WASL: variants seen among roughly 807,000 people sequenced by gnomAD.
The protein encoded by WASL is actin nucleation-promoting factor WASL.
Under a neutral mutation model 55.5 loss-of-function variants are expected in WASL, and 20 were observed. The observed-to-expected ratio is 0.36, with a 90% CI of 0.25 to 0.52. The LOEUF is 0.52. Ranked by LOEUF, WASL falls within the 20% of genes least tolerant of loss-of-function variation. The pLI is 0.92. For synonymous variants in WASL, 249 were observed against 217.6 expected (o/e 1.14, Z -1.27); for missense variants, 504 against 622.5 (o/e 0.81, Z 2.03).
chr7:123,708,043 A>C (rs1194166909), intron 2 of WASL, among the ~76,000 whole-genome samples: 2 of 152,056 alleles, frequency 1.3e-5, no homozygotes, highest in East Asian at 3.9e-4. Flanking sequence ...AAAATTAGCC[A>C]GGTGTGGTGG....
chr7:123,715,898 G>T (rs773718159), intron 1 of WASL, among the ~76,000 whole-genome samples: 2 of 152,164 alleles, frequency 1.3e-5, no homozygotes, highest in Non-Finnish European at 2.9e-5. Flanking sequence ...TCTACTACCA[G>T]AAGGATAATC....
chr7:123,746,539 A>G (rs2116832001), intron 1 of WASL, among the ~76,000 whole-genome samples: 1 of 152,284 alleles, frequency 6.6e-6, no homozygotes, highest in South Asian at 2.1e-4. Context: ...CTCTTACTTC[A>G]CTCTCTATTA....
intron 1 of WASL, among the ~76,000 whole-genome samples, chr7:123,720,030 A>AG (rs990337203): frequency 6.6e-6 from 1 of 152,098 alleles, no homozygotes; most frequent in African/African-American, 2.4e-5. Context: ...CCTTGAAGAT[A>AG]GGGCCCTGTC....
Position 123,706,770 on chromosome 7 carries a change from A to C in WASL, c.309T>G (p.Pro103=). 1 of 1,582,026 alleles carries C rather than the reference A, an allele frequency of 6.3e-7. No homozygotes were observed. Among genetic ancestry groups the C allele is most frequent in the Non-Finnish European group, 8.5e-7 (1 of 1,169,754 alleles). Residue 103 remains proline, a synonymous_variant, in exon 3 of 11, where the codon CCT becomes CCG. Coordinates refer to ENST00000223023, the MANE Select transcript of WASL (RefSeq NM_003941.4). ...ELYNNFVYNS[P]RGYFHTFAGD... ...CAGCAAAGGTATGAAAATATCCTCT[A>C]GGACTATTATATACAAAGTTATTGT...
intron 1 of WASL, among the ~76,000 whole-genome samples, chr7:123,712,588 T>C (rs1803776193): frequency 6.6e-6 from 1 of 152,184 alleles, no homozygotes; most frequent in South Asian, 2.1e-4. Context: ...ATATAGAAGT[T>C]CTTTGTACTG....
chr7:123,710,509 A>G (rs1167191974), intron 1 of WASL, among the ~76,000 whole-genome samples: 2 of 152,100 alleles, frequency 1.3e-5, no homozygotes, highest in African/African-American at 4.8e-5. Context: ...TCAAAGAACA[A>G]TTATATGCAC....
chr7:123,700,533 G>T (rs192755650), intron 5 of WASL, among the ~76,000 whole-genome samples: 1,523 of 151,774 alleles, frequency 0.01, 11 homozygotes, highest in Admixed American at 0.015. Context: ...CTTCACCTCC[G>T]GGTTCAAGTG....
In WASL at chr7:123,692,600, A is replaced by G. The variant is rs1313763447; in HGVS notation, c.1094T>C (p.Val365Ala). 1 of 1,607,716 alleles carries G rather than the reference A, an allele frequency of 6.2e-7. No homozygotes were observed. The highest frequency in any genetic ancestry group is 1.3e-5 in the African/African-American group (1 of 74,446). Residue 365 changes from valine to alanine, a missense_variant, in exon 9 of 11, where the codon GTG (valine) becomes GCG (alanine). Coordinates refer to ENST00000223023, the MANE Select transcript of WASL (RefSeq NM_003941.4). ...TGGTGCCACTGGCCCTACCCCCAAC[A>G]CAGATGGAGGTGGTGGTGGAGGCCC... ...PSGPPPPPPS[V>A]LGVGPVAPPP...
At chr7:123,701,783 T>C (rs1248403342) in intron 5 of WASL, among the ~76,000 whole-genome samples, 2 of 152,150 alleles carry the variant, frequency 1.3e-5, no homozygotes, top group African/African-American at 2.4e-5. Context: ...GAAAGCAAGA[T>C]AGTTGAATGC....
chr7:123,747,835 C>T (rs185570126), intron 1 of WASL, among the ~76,000 whole-genome samples: 2 of 152,280 alleles, frequency 1.3e-5, no homozygotes, highest in African/African-American at 2.4e-5. Context: ...GAACTGCTCG[C>T]TCCCAACCGG....
Position 123,692,537 on chromosome 7 carries a change from G to C in WASL, c.1157C>G (p.Pro386Arg), listed in dbSNP as rs773128743. The C allele has an allele frequency of 6.8e-6, 11 of 1,613,964 alleles. No individual in the cohort carries two copies. In the East Asian group the frequency reaches 2.0e-4, roughly 29 times the overall value. ...PPPPPPPPGP[P>R]PPPGLPSDGD... The stretch of plus-strand genomic sequence containing the variant: ...ATCAGAAGGCAGGCCAGGCGGGGGC[G>C]GTGGCCCAGGAGGAGGTGGAGGTGG... The change falls in exon 9 of 11, where the codon CCG (proline) becomes CGG (arginine). Residue 386 changes from proline to arginine, a missense_variant. This residue lies in a region of WASL where 201 missense variants were observed against 206.2 expected (regional missense o/e 0.97). Coordinates refer to ENST00000223023, the MANE Select transcript of WASL (RefSeq NM_003941.4).
At chr7:123,694,936 A>T (rs1363005911) in intron 7 of WASL, 68 bp from the exon 8 acceptor site, 2 of 1,489,214 alleles carry the variant, frequency 1.3e-6, no homozygotes, top group Admixed American at 4.6e-5. Flanking sequence ...TTTAAGTCTC[A>T]TCTGTGTCCT....
intron 1 of WASL, among the ~76,000 whole-genome samples, chr7:123,722,816 A>C (rs1584868589): frequency 1.3e-5 from 2 of 152,288 alleles, no homozygotes. Context: ...AAATAACAAC[A>C]AAAATAATAA....
At chr7:123,712,877 A>T (rs998598164) in intron 1 of WASL, among the ~76,000 whole-genome samples, 5 of 152,178 alleles carry the variant, frequency 3.3e-5, no homozygotes, top group African/African-American at 1.2e-4. Flanking sequence ...TACTGTTTAA[A>T]TTCCTTTCAC....
Position 123,682,147 on chromosome 7 carries a change from A to AT in WASL, c.*2371dup, listed in dbSNP as rs1409275292. 2 of 152,186 alleles carry AT rather than the reference A, an allele frequency of 1.3e-5. No individual in the cohort carries two copies. Among genetic ancestry groups the AT allele is most frequent in the Non-Finnish European group, 2.9e-5 (2 of 68,016 alleles). The allele number at this position is 152,186 out of a possible 1,614,324, so 9.4% of individuals were successfully genotyped here. On this transcript the variant is annotated 3_prime_UTR_variant, in exon 11 of 11. Coordinates refer to ENST00000223023, the MANE Select transcript of WASL (RefSeq NM_003941.4). ...ATTGTCTATCACGTAGCATTTAGAT[A>AT]TAAAAAGCCTCATGCTAGTTTGTTA...
chr7:123,719,890 C>G (rs1293742253), intron 1 of WASL, among the ~76,000 whole-genome samples: 7 of 152,174 alleles, frequency 4.6e-5, no homozygotes, highest in African/African-American at 7.2e-5. Flanking sequence ...CAGGAACCTC[C>G]CAACCCACCT....
Position 123,696,654 on chromosome 7 carries a change from G to C in WASL, c.554C>G (p.Thr185Ser). ...YGPQVNNISHTKEKKKGKAKK... is the reference protein window; with the variant it reads ...YGPQVNNISHSKEKKKGKAKK... ...AGCTTTTCCCTTCTTCTTTTCTTTG[G>C]TATGGGAGATGTTGTTGACTTGTGG... is the stretch of plus-strand genomic sequence containing the variant. Residue 185 changes from threonine (T) to serine (S), a missense_variant, in exon 6 of 11, where the codon ACC (threonine) becomes AGC (serine). By Grantham distance (58) the Thr-to-Ser change is moderately conservative (BLOSUM62 1). Around this residue, in one of 5 missense-constraint regions of WASL, gnomAD observed 230 missense variants for 271.9 expected, o/e 0.85. Transcript: ENST00000223023. 1 of 1,606,630 alleles carries C rather than the reference G, an allele frequency of 6.2e-7. No homozygotes were observed. Among genetic ancestry groups the C allele is most frequent in the Non-Finnish European group, 8.5e-7 (1 of 1,176,256 alleles).
intron 1 of WASL, among the ~76,000 whole-genome samples, chr7:123,710,474 G>T (rs1803737371): frequency 6.6e-6 from 1 of 151,936 alleles, no homozygotes; most frequent in Non-Finnish European, 1.5e-5. Context: ...TGCCTGAGGG[G>T]TGCCCTTTTT....
Position 123,695,811 on chromosome 7 carries a change from A to G in WASL, c.672+12T>C. On this transcript the variant is annotated intron_variant, in intron 7 of 10. Coordinates refer to ENST00000223023, the MANE Select transcript of WASL (RefSeq NM_003941.4). ...TACAGTTATAACGTATATGATTTGA[A>G]AACATACTTACATCAAAGCCTGTAT... 1 of 1,612,200 alleles carries G rather than the reference A, an allele frequency of 6.2e-7. No individual in the cohort carries two copies. The highest frequency in any genetic ancestry group is 8.5e-7 in the Non-Finnish European group (1 of 1,178,634).
Sources: gnomAD v4.1 joint callset for allele counts (sites outside exome capture counted in the v4.1 genomes callset) on GRCh38, gnomAD v4.1.1 for gene constraint, gnomAD v4.1.1 regional missense constraint, MANE v1.5 for transcripts, NCBI Gene and HGNC (gene_info 2026-07-23, HGNC 2026-07-21) for gene names.